GLS: variants seen among roughly 807,000 people sequenced by gnomAD.
GLS encodes the protein glutaminase, also known as glutaminase kidney isoform, mitochondrial.
GLS carries 36 observed loss-of-function variants against 86.7 expected under a neutral mutation model. The ratio of observed to expected loss-of-function variants is 0.42; its 90% CI spans 0.32 to 0.55. GLS has a LOEUF of 0.55. Ranked by LOEUF, GLS falls within the 20% of genes least tolerant of loss-of-function variation. The probability of loss-of-function intolerance (pLI) is 0.17; values close to 1 mark genes in which losing one functional copy is unlikely to be tolerated. For missense variants in GLS, 528 were observed against 833.4 expected (o/e 0.63, Z 4.51); for synonymous variants, 317 against 305.9 (o/e 1.04, Z -0.38).
Position 190,951,350 on chromosome 2 carries a change from A to G in GLS, c.1651-2215A>G, listed in dbSNP as rs948173594. ...GAAGGTAATTTTCAGGGAATTAAAA[A>G]TATACTTTCAGGAAATAAGCGCTGA... is the stretch of plus-strand genomic sequence containing the variant. On this transcript the variant is annotated intron_variant, in intron 14 of 17. Transcript: ENST00000320717. The surrounding 1 kb of genome is among the most constrained non-coding windows in gnomAD (Gnocchi z 4.2). 6.6e-6 allele frequency among the ~76,000 whole-genome samples: 1 copy of G among 152,172 alleles called. No homozygotes were observed. Among genetic ancestry groups the G allele is most frequent in the African/African-American group, 2.4e-5 (1 of 41,422 alleles).
intron 14 of GLS, chr2:190,934,775 C>A (rs1690218219): frequency 1.0e-6 from 1 of 970,806 alleles, no homozygotes; most frequent in East Asian, 1.1e-4. Flanking sequence ...GCTTTAAATG[C>A]ATACTTAAAA....
At position 190,963,993 on chromosome 2, in the gene GLS, T is replaced by TAACA. The variant is rs1177540616; in HGVS notation, c.*1012_*1015dup. 3 of 152,160 alleles carry TAACA rather than the reference T, an allele frequency of 2.0e-5. No homozygotes were observed. The highest frequency in any genetic ancestry group is 3.8e-4 in the East Asian group (2 of 5,204). 9.4% of individuals were successfully genotyped at this position (152,160 alleles called of 1,614,324 possible). A position where few individuals can be genotyped will look rare whatever the true frequency, so the allele number is the denominator to read the frequency against. On this transcript the variant is annotated 3_prime_UTR_variant, in exon 18 of 18. Coordinates refer to ENST00000320717, the MANE Select transcript of GLS (RefSeq NM_014905.5). ...CTGAAAGTATGGGAACTGCTACAAC[T>TAACA]AACAAACATTTGTTTCCAAGCCTGT...
chr2:190,957,520 A>G (rs1261279377), intron 17 of GLS, among the ~76,000 whole-genome samples: 2 of 152,220 alleles, frequency 1.3e-5, no homozygotes, highest in Non-Finnish European at 2.9e-5. Flanking sequence ...TTTTTTGCCC[A>G]TTCAGTATGA....
chr2:190,906,036 T>C lies in GLS; in HGVS notation c.979+869T>C, dbSNP rs185257586. On this transcript the variant is annotated intron_variant, in intron 6 of 17. Transcript: ENST00000320717. Reference sequence around the variant, plus strand: ...AAGTCATAAGACTGGTATTTTCTTATGCTTCTCATCCTATTTATTTTGAGA... The same window carrying C: ...AAGTCATAAGACTGGTATTTTCTTACGCTTCTCATCCTATTTATTTTGAGA... 2.0e-4 allele frequency among the ~76,000 whole-genome samples: 30 copies of C among 152,294 alleles called. 1 individual carries two copies. In the East Asian group the frequency reaches 4.6e-3, roughly 23 times the overall value.
At chr2:190,885,263 T>C (rs575052962) in intron 1 of GLS, among the ~76,000 whole-genome samples, 5 of 150,854 alleles carry the variant, frequency 3.3e-5, no homozygotes, top group South Asian at 2.1e-4. Context: ...GTGATCTCGG[T>C]TCACTGCAAC....
chr2:190,915,629 T>TA (rs1454886128), intron 7 of GLS, among the ~76,000 whole-genome samples: 1 of 152,156 alleles, frequency 6.6e-6, no homozygotes, highest in Non-Finnish European at 1.5e-5. Context: ...TGTTTCTAGA[T>TA]GCGCCTTTTA....
Position 190,964,688 on chromosome 2 carries a change from C to T in GLS, c.*1702C>T, listed in dbSNP as rs969015549. The T allele has an allele frequency of 2.6e-5, 4 of 152,216 alleles. No individual in the cohort carries two copies. The South Asian group carries it at 8.3e-4, about 32-fold the overall frequency. 9.4% of individuals were successfully genotyped at this position (152,216 alleles called of 1,614,324 possible). A position where few individuals can be genotyped will look rare whatever the true frequency, so the allele number is the denominator to read the frequency against. On this transcript the variant is annotated 3_prime_UTR_variant, in exon 18 of 18. Transcript: ENST00000320717. This position sits in a 1 kb window ranked among gnomAD's most constrained non-coding sequence, Gnocchi z 5.2. ...ATGCTGAGTGAGCAGTTTCCTACCC[C>T]GTGGATCTAGCAAGCCATGGAGACA...
chr2:190,928,038 CGAGA>C (rs138929681), intron 12 of GLS, among the ~76,000 whole-genome samples: 3 of 149,944 alleles, frequency 2.0e-5, no homozygotes, highest in East Asian at 1.9e-4. Flanking sequence ...ACATGTAAAA[CGAGA>C]GAGAGAGAGA....
Position 190,905,610 on chromosome 2 carries a change from T to G in GLS, c.979+443T>G, listed in dbSNP as rs1250518362. On this transcript the variant is annotated intron_variant, in intron 6 of 17. Transcript: ENST00000320717. This position sits in a 1 kb window ranked among gnomAD's most constrained non-coding sequence, Gnocchi z 4.6. ...TGGCCCTGGTTGAGATAGTGAGGAT[T>G]ATTATTTTTCAGTGAGTGTTTTTAC... 2.0e-5 allele frequency among the ~76,000 whole-genome samples: 3 copies of G among 152,096 alleles called. No homozygotes were observed. Among genetic ancestry groups the G allele is most frequent in the African/African-American group, 7.2e-5 (3 of 41,434 alleles).
At chr2:190,945,489 C>T (rs960569397) in intron 14 of GLS, among the ~76,000 whole-genome samples, 3 of 151,256 alleles carry the variant, frequency 2.0e-5, no homozygotes, top group South Asian at 2.1e-4. Context: ...AGTGAGACCC[C>T]GTCTCTACAA....
At chr2:190,950,325 G>A (rs1690686485) in intron 14 of GLS, among the ~76,000 whole-genome samples, 2 of 152,158 alleles carry the variant, frequency 1.3e-5, no homozygotes, top group Admixed American at 1.3e-4. Context: ...TGATGGAAAG[G>A]CACGGGAGTT....
chr2:190,942,762 A>T (rs1690475431), intron 14 of GLS, among the ~76,000 whole-genome samples: 1 of 152,236 alleles, frequency 6.6e-6, no homozygotes, highest in African/African-American at 2.4e-5. Context: ...GGATATCAGG[A>T]GGTTGATTGA....
intron 14 of GLS, among the ~76,000 whole-genome samples, chr2:190,939,804 TATTA>T: frequency 6.6e-6 from 1 of 151,928 alleles, no homozygotes; most frequent in Middle Eastern, 3.4e-3. Flanking sequence ...TGGTATAAAT[TATTA>T]ATTGAATTCC....
intron 12 of GLS, 157 bp downstream of exon 12, chr2:190,927,639 A>G (rs1689942911): frequency 3.5e-6 from 2 of 575,102 alleles, no homozygotes; most frequent in Non-Finnish European, 6.1e-6. Context: ...AGTAAGGAAT[A>G]GAGATAAGGT....
rs777393738 is a variant in GLS, at chr2:190,914,580, C to G, written c.1038+4259C>G. Among the ~76,000 whole-genome samples, 3 of 151,830 alleles carry G rather than the reference C, an allele frequency of 2.0e-5. No homozygotes were observed. Among genetic ancestry groups the G allele is most frequent in the African/African-American group, 7.3e-5 (3 of 41,316 alleles). On this transcript the variant is annotated intron_variant, in intron 7 of 17. Coordinates refer to ENST00000320717, the MANE Select transcript of GLS (RefSeq NM_014905.5). The surrounding 1 kb of genome is among the most constrained non-coding windows in gnomAD (Gnocchi z 4.4). ...TCTTATTTTTTATTTTCCTAATACT[C>G]TTTAGCTTTAAACCATTTTCTATCA...
At chr2:190,917,430 C>T (rs567273018) in intron 7 of GLS, among the ~76,000 whole-genome samples, 10 of 152,274 alleles carry the variant, frequency 6.6e-5, no homozygotes, top group African/African-American at 2.4e-4. Context: ...CACTTGGACC[C>T]CTCAGTCATC....
At chr2:190,960,440 C>A (rs1353372070) in intron 17 of GLS, among the ~76,000 whole-genome samples, 3 of 146,812 alleles carry the variant, frequency 2.0e-5, no homozygotes, top group African/African-American at 7.6e-5. Flanking sequence ...TCATAGTTCA[C>A]TGCAGCCTTA....
At chr2:190,939,158 C>T (rs1690355684) in intron 14 of GLS, among the ~76,000 whole-genome samples, 1 of 151,608 alleles carries the variant, frequency 6.6e-6, no homozygotes, top group Admixed American at 6.6e-5. Context: ...ACATTTGGAT[C>T]TGTGAGTGGC....
At chr2:190,915,646 T>C (rs1454913243) in intron 7 of GLS, among the ~76,000 whole-genome samples, 3 of 152,290 alleles carry the variant, frequency 2.0e-5, no homozygotes, top group East Asian at 3.9e-4. Flanking sequence ...TTTAAAAAAT[T>C]AATCTGCCTT....
Sources: gnomAD v4.1 joint callset for allele counts (sites outside exome capture counted in the v4.1 genomes callset) on GRCh38, gnomAD v4.1.1 for gene constraint, Gnocchi (gnomAD v3.1) non-coding constraint, MANE v1.5 for transcripts, NCBI Gene and HGNC (gene_info 2026-07-23, HGNC 2026-07-21) for gene names.